FHIT: variants seen among roughly 807,000 people sequenced by gnomAD.
FHIT encodes the protein fragile histidine triad diadenosine triphosphatase, also known as bis(5'-adenosyl)-triphosphatase.
Under a neutral mutation model 17.9 loss-of-function variants are expected in FHIT, and 19 were observed. The observed-to-expected ratio is 1.06, with a 90% confidence interval of 0.74 to 1.56. FHIT has a LOEUF of 1.56. FHIT is among the 40% of genes most tolerant of loss of function. FHIT has a pLI of 0.00. For synonymous variants in FHIT, 81 were observed against 69.7 expected (o/e 1.16, Z -0.81); for missense variants, 248 against 189.2 (o/e 1.31, Z -1.82).
intron 3 of FHIT, among the ~76,000 whole-genome samples, chr3:60,971,590 C>T (rs1176101070): frequency 2.6e-5 from 4 of 151,840 alleles, no homozygotes; most frequent in African/African-American, 4.8e-5. Context: ...AAGTTTTCCA[C>T]GCTCTGATGT....
chr3:60,496,100 G>A (rs1337776845), intron 5 of FHIT, among the ~76,000 whole-genome samples: 2 of 151,882 alleles, frequency 1.3e-5, no homozygotes, highest in Non-Finnish European at 2.9e-5. Context: ...TATTCTTAAG[G>A]TACAGCCAAA....
intron 8 of FHIT, among the ~76,000 whole-genome samples, chr3:59,867,321 T>C (rs1702700783): frequency 6.6e-6 from 1 of 151,110 alleles, no homozygotes; most frequent in Admixed American, 6.6e-5. Flanking sequence ...TCTAAGAAGT[T>C]ACTGAAGCAA....
At chr3:60,933,480 T>C (rs1708057639) in intron 3 of FHIT, among the ~76,000 whole-genome samples, 1 of 152,212 alleles carries the variant, frequency 6.6e-6, no homozygotes, top group African/African-American at 2.4e-5. Context: ...AGAGCACATG[T>C]CAACTCAGTC....
chr3:61,168,548 G>C (rs2037906631), intron 2 of FHIT, among the ~76,000 whole-genome samples: 1 of 152,160 alleles, frequency 6.6e-6, no homozygotes, highest in African/African-American at 2.4e-5. Flanking sequence ...CTTGTGACAG[G>C]GATTTATCAC....
At chr3:59,828,372 T>C (rs889575641) in intron 8 of FHIT, among the ~76,000 whole-genome samples, 2 of 152,254 alleles carry the variant, frequency 1.3e-5, no homozygotes, top group African/African-American at 4.8e-5. Flanking sequence ...GTTGCTTCAG[T>C]AACTTCTAAG....
chr3:60,312,391 C>T (rs1273596158), intron 5 of FHIT, among the ~76,000 whole-genome samples: 1 of 152,064 alleles, frequency 6.6e-6, no homozygotes, highest in Non-Finnish European at 1.5e-5. Flanking sequence ...ATCCTCCTTG[C>T]CTTGGCCCCC....
chr3:60,823,980 G>A (rs2106781408), intron 3 of FHIT, among the ~76,000 whole-genome samples: 1 of 152,318 alleles, frequency 6.6e-6, no homozygotes, highest in South Asian at 2.1e-4. Flanking sequence ...AGCCAGGGGA[G>A]AGTGGCAGGA....
At chr3:59,913,455 G>A (rs922116358) in intron 8 of FHIT, among the ~76,000 whole-genome samples, 10 of 152,302 alleles carry the variant, frequency 6.6e-5, no homozygotes, top group African/African-American at 2.4e-4. Context: ...TTTTGACATA[G>A]ATATTTACTC....
intron 5 of FHIT, among the ~76,000 whole-genome samples, chr3:60,061,640 T>A (rs1211484467): frequency 2.0e-5 from 3 of 152,254 alleles, no homozygotes; most frequent in South Asian, 4.1e-4. Flanking sequence ...CCACAAGTTT[T>A]ACATCATAGA....
At chr3:60,752,616 TG>T (rs1243414211) in intron 4 of FHIT, among the ~76,000 whole-genome samples, 78 of 152,206 alleles carry the variant, frequency 5.1e-4, no homozygotes, top group African/African-American at 1.7e-3. Flanking sequence ...ACATTCCACT[TG>T]TGTAGGTTTC....
chr3:59,917,135 T>C (rs899201827), intron 8 of FHIT, among the ~76,000 whole-genome samples: 3 of 152,258 alleles, frequency 2.0e-5, no homozygotes, highest in Non-Finnish European at 4.4e-5. Flanking sequence ...GCCTGCATTT[T>C]AGCAAGTTGA....
chr3:61,173,935 T>C (rs1254960063), intron 2 of FHIT, among the ~76,000 whole-genome samples: 1 of 152,244 alleles, frequency 6.6e-6, no homozygotes, highest in Non-Finnish European at 1.5e-5. Context: ...CTCTGGACTT[T>C]GAATGTGAGA....
chr3:60,114,061 ATATATATATAT>A (rs1559644256), intron 5 of FHIT, among the ~76,000 whole-genome samples: 24 of 102,830 alleles, frequency 2.3e-4, no homozygotes, highest in Admixed American at 4.4e-4. Context: ...ATATATATAT[ATATATATATAT>A]AATGTTATAT....
chr3:61,206,769 G>C (rs2039249172), intron 1 of FHIT, among the ~76,000 whole-genome samples: 3 of 152,004 alleles, frequency 2.0e-5, no homozygotes, highest in Admixed American at 1.3e-4. Context: ...TGCAAACAGG[G>C]ACAATTTGAC....
intron 5 of FHIT, among the ~76,000 whole-genome samples, chr3:60,184,280 T>G (rs2107449961): frequency 1.3e-5 from 2 of 152,284 alleles, no homozygotes; most frequent in South Asian, 4.2e-4. Context: ...TATTGGGATT[T>G]CCTTAGTTTT....
intron 5 of FHIT, among the ~76,000 whole-genome samples, chr3:60,016,275 G>C (rs1419102286): frequency 1.3e-5 from 2 of 152,164 alleles, no homozygotes; most frequent in Non-Finnish European, 1.5e-5. Context: ...CTATAATCTA[G>C]AGTATAGAGT....
intron 8 of FHIT, among the ~76,000 whole-genome samples, chr3:59,842,703 A>C (rs1575577574): frequency 1.3e-5 from 2 of 152,284 alleles, no homozygotes; most frequent in Middle Eastern, 3.4e-3. Flanking sequence ...ACACTTGTAC[A>C]TCTTCTCTGG....
chr3:59,793,259 T>A (rs1043584177), intron 8 of FHIT, among the ~76,000 whole-genome samples: 4 of 152,186 alleles, frequency 2.6e-5, no homozygotes, highest in African/African-American at 9.7e-5. Flanking sequence ...CTATTGTAGG[T>A]CATTAAAAAT....
At chr3:59,902,818 C>T (rs1243046608) in intron 8 of FHIT, among the ~76,000 whole-genome samples, 1 of 152,062 alleles carries the variant, frequency 6.6e-6, no homozygotes, top group Non-Finnish European at 1.5e-5. Flanking sequence ...ATAATCTGGT[C>T]AAGGGTACAA....
Sources: allele counts gnomAD v4.1 joint callset (sites outside exome capture counted in the v4.1 genomes callset), GRCh38; gene constraint gnomAD v4.1.1; transcripts MANE v1.5; gene names NCBI Gene and HGNC (gene_info 2026-07-23, HGNC 2026-07-21).